GABRG1: variants seen among roughly 807,000 people sequenced by gnomAD.
The protein encoded by GABRG1 is gamma-aminobutyric acid type A receptor subunit gamma1.
In GABRG1, 49 loss-of-function variants were observed where a neutral mutation model predicts 49.8. The ratio of observed to expected loss-of-function variants is 0.98; its 90% CI spans 0.78 to 1.25. The LOEUF (loss-of-function observed/expected upper bound fraction) is 1.25. GABRG1 is among the 50% of genes most tolerant of loss of function. The probability of loss-of-function intolerance (pLI) is 0.00; values close to 1 mark genes in which losing one functional copy is unlikely to be tolerated. For synonymous variants in GABRG1, 232 were observed against 185.1 expected (o/e 1.25, Z -2.06); for missense variants, 552 against 552.3 (o/e 1.00, Z 0.01).
chr4:46,058,763 T>A (rs1399978702), intron 5 of GABRG1, 141 bp from the exon 6 acceptor site: 1 of 629,336 alleles, frequency 1.6e-6, no homozygotes, highest in Non-Finnish European at 2.7e-6. Context: ...TTGAATACAA[T>A]AAATATTAAT....
At chr4:46,118,243 G>GATCT (rs71652878) in intron 1 of GABRG1, among the ~76,000 whole-genome samples, 9,471 of 144,480 alleles carry the variant, frequency 0.066, 361 homozygotes, top group South Asian at 0.14. Flanking sequence ...ATTACATATA[G>GATCT]ATCTATCTAT....
At chr4:46,082,796 A>G (rs1473185513) in intron 3 of GABRG1, among the ~76,000 whole-genome samples, 1 of 151,560 alleles carries the variant, frequency 6.6e-6, no homozygotes, top group Non-Finnish European at 1.5e-5. Flanking sequence ...ACTTTTCTGA[A>G]TATGTCCCCT....
intron 2 of GABRG1, among the ~76,000 whole-genome samples, chr4:46,085,055 A>G (rs1388207536): frequency 3.3e-5 from 5 of 151,604 alleles, no homozygotes; most frequent in Non-Finnish European, 5.9e-5. Context: ...TATAACTGGT[A>G]TAAACAATAT....
chr4:46,049,774 G>A (rs1444850509), intron 8 of GABRG1, among the ~76,000 whole-genome samples: 1 of 151,880 alleles, frequency 6.6e-6, no homozygotes, highest in Non-Finnish European at 1.5e-5. Flanking sequence ...TTGAGTAAGT[G>A]TGCCATTGGA....
intron 1 of GABRG1, among the ~76,000 whole-genome samples, chr4:46,122,162 T>G (rs1721105391): frequency 6.6e-6 from 1 of 152,026 alleles, no homozygotes; most frequent in African/African-American, 2.4e-5. Flanking sequence ...ATCTCTTCAA[T>G]TCTGGGAGCT....
intron 8 of GABRG1, among the ~76,000 whole-genome samples, chr4:46,046,604 T>C (rs942042979): frequency 3.9e-5 from 6 of 152,038 alleles, no homozygotes; most frequent in Non-Finnish European, 7.4e-5. Flanking sequence ...GTTTATTCAA[T>C]AGGCATGCAC....
intron 5 of GABRG1, among the ~76,000 whole-genome samples, chr4:46,060,499 C>T (rs749258972): frequency 2.6e-5 from 4 of 152,058 alleles, no homozygotes; most frequent in Non-Finnish European, 5.9e-5. Flanking sequence ...CTAAAAAGTT[C>T]TTTCTACGTA....
intron 3 of GABRG1, among the ~76,000 whole-genome samples, chr4:46,078,852 A>G (rs1719457193): frequency 6.6e-6 from 1 of 151,986 alleles, no homozygotes; most frequent in South Asian, 2.1e-4. Context: ...ACACTTCAAG[A>G]TAGATACCTC....
chr4:46,057,681 C>T (rs940470380), intron 7 of GABRG1, among the ~76,000 whole-genome samples: 10 of 152,070 alleles, frequency 6.6e-5, no homozygotes, highest in Admixed American at 4.6e-4. Context: ...CTCAAGTATT[C>T]ACAGAATAAA....
At chr4:46,095,799 A>G (rs369605447) in intron 2 of GABRG1, among the ~76,000 whole-genome samples, 1 of 151,866 alleles carries the variant, frequency 6.6e-6, no homozygotes, top group Non-Finnish European at 1.5e-5. Flanking sequence ...AAATATACCA[A>G]TGATGAGAAT....
In GABRG1 at chr4:46,036,770, AT is replaced by A. The variant is rs1402917447; in HGVS notation, c.*4217del. On this transcript the variant is annotated 3_prime_UTR_variant, in exon 9 of 9. Coordinates refer to ENST00000295452, the MANE Select transcript of GABRG1 (RefSeq NM_173536.4). ...TTATATTCCAAACCATCACACACAA[AT>A]AAGATGAAACTTCTGCAGAAATTTT... 1 of 151,974 alleles carries A rather than the reference AT, an allele frequency of 6.6e-6. No individual in the cohort carries two copies. Among genetic ancestry groups the A allele is most frequent in the East Asian group, 1.9e-4 (1 of 5,190 alleles). The allele number at this position is 151,974 out of a possible 1,614,324, so 9.4% of individuals were successfully genotyped here. A position where few individuals can be genotyped will look rare whatever the true frequency, so the allele number is the denominator to read the frequency against.
intron 3 of GABRG1, among the ~76,000 whole-genome samples, chr4:46,072,380 G>A (rs1040242105): frequency 1.3e-5 from 2 of 152,070 alleles, no homozygotes; most frequent in Non-Finnish European, 2.9e-5. Context: ...AAGTTGACAT[G>A]TAAAATTAAC....
intron 8 of GABRG1, among the ~76,000 whole-genome samples, chr4:46,050,997 C>T (rs563297467): frequency 6.6e-6 from 1 of 151,692 alleles, no homozygotes; most frequent in South Asian, 2.1e-4. Context: ...TAAAATAGTA[C>T]AAATACAGAA....
rs572002267 is a variant in GABRG1, at chr4:46,124,040, G to C, written c.-127C>G. 5 of 659,956 alleles carry C rather than the reference G, an allele frequency of 7.6e-6. No homozygotes were observed. The African/African-American group carries it at 9.1e-5, about 12-fold the overall frequency. 40.9% of individuals were successfully genotyped at this position (659,956 alleles called of 1,614,324 possible). A position where few individuals can be genotyped will look rare whatever the true frequency, so the allele number is the denominator to read the frequency against. On this transcript the variant is annotated 5_prime_UTR_variant, in exon 1 of 9. Coordinates refer to ENST00000295452, the MANE Select transcript of GABRG1 (RefSeq NM_173536.4). ...GGAAAGGCAGTGCACCTCCCAAACA[G>C]GTAGGATGCGACTCCCAGCAGAATT...
chr4:46,037,877 C>CT lies in GABRG1; in HGVS notation c.*3110dup, dbSNP rs1359816425. On this transcript the variant is annotated 3_prime_UTR_variant, in exon 9 of 9. Transcript: ENST00000295452. ...TGGTGTGAGAGAACTGTAGCCTATT[C>CT]TTTTTTATGCTGAATTGGCATGAAT... 6.6e-6 allele frequency: 1 copy of CT among 151,460 alleles called. No homozygotes were observed. Among genetic ancestry groups the CT allele is most frequent in the Admixed American group, 6.6e-5 (1 of 15,130 alleles). The allele number at this position is 151,460 out of a possible 1,614,324, so 9.4% of individuals were successfully genotyped here.
At position 46,043,985 on chromosome 4, in the gene GABRG1, A is replaced by C. The variant is rs571972939; in HGVS notation, c.1132-2731T>G. ...TTATACCATCTGCTAAAATTATTAA[A>C]TATTAGTAATATGAATGGTAAATAT... On this transcript the variant is annotated intron_variant, in intron 8 of 8. Coordinates refer to ENST00000295452, the MANE Select transcript of GABRG1 (RefSeq NM_173536.4). 2.6e-5 allele frequency among the ~76,000 whole-genome samples: 4 copies of C among 152,160 alleles called. No homozygotes were observed. In the South Asian group the frequency reaches 8.3e-4, roughly 31 times the overall value.
rs1428211703 is a variant in GABRG1 at position 46,036,713 on chromosome 4, G to T, written c.*4275C>A. On this transcript the variant is annotated 3_prime_UTR_variant, in exon 9 of 9. Transcript: ENST00000295452. ...GAGTACGGATTTCATCCTCATATTA[G>T]CCACTATAAGCTTATACGCCTAACT... is the stretch of plus-strand genomic sequence containing the variant. The T allele has an allele frequency of 6.6e-6, 1 of 151,862 alleles. No homozygotes were observed. Among genetic ancestry groups the T allele is most frequent in the Non-Finnish European group, 1.5e-5 (1 of 67,876 alleles). The allele number at this position is 151,862 out of a possible 1,614,324, so 9.4% of individuals were successfully genotyped here.
At chr4:46,047,943 A>C (rs1158819700) in intron 8 of GABRG1, among the ~76,000 whole-genome samples, 1 of 152,052 alleles carries the variant, frequency 6.6e-6, no homozygotes, top group Non-Finnish European at 1.5e-5. Context: ...TGGATAAATA[A>C]ATTTCTATAA....
At chr4:46,105,158 AAGGAAG>A in intron 1 of GABRG1, among the ~76,000 whole-genome samples, 1 of 151,436 alleles carries the variant, frequency 6.6e-6, no homozygotes, top group Non-Finnish European at 1.5e-5. Flanking sequence ...AAACAAAGAG[AAGGAAG>A]CTGGCAGAAT....
Sources: allele counts gnomAD v4.1 joint callset (sites outside exome capture counted in the v4.1 genomes callset), GRCh38; gene constraint gnomAD v4.1.1; transcripts MANE v1.5; gene names NCBI Gene and HGNC (gene_info 2026-07-23, HGNC 2026-07-21).